Variants in FGFRL1 observed in about 807,000 individuals in gnomAD.
FGFRL1 encodes fibroblast growth factor receptor like 1.
FGFRL1 carries 24 observed loss-of-function variants against 36.8 expected under a neutral mutation model. That is an observed-to-expected ratio of 0.65 (90% CI 0.47 to 0.92). The LOEUF (loss-of-function observed/expected upper bound fraction) is 0.92. Ranked by LOEUF, FGFRL1 falls within the 40% of genes least tolerant of loss-of-function variation. The probability of loss-of-function intolerance (pLI) is 0.00; values close to 1 mark genes in which losing one functional copy is unlikely to be tolerated. For synonymous variants in FGFRL1, 422 were observed against 344.1 expected, an observed-to-expected ratio of 1.23 and a Z score of -2.50; for missense variants, 785 against 753.4, an observed-to-expected ratio of 1.04 and a Z score of -0.49.
At position 1,022,206 on chromosome 4, in the gene FGFRL1, C is replaced by T; in HGVS notation, c.83C>T (p.Pro28Leu). 1 of 1,529,500 alleles carries T rather than the reference C, an allele frequency of 6.5e-7. No homozygotes were observed. The highest frequency in any genetic ancestry group is 8.8e-7 in the Non-Finnish European group (1 of 1,135,902). The allele number at this position is 1,529,500 out of a possible 1,614,324, so 94.7% of individuals were successfully genotyped here. Residue 28 changes from proline to leucine, a missense_variant, in exon 3 of 7, where the codon CCC (proline) becomes CTC (leucine). By Grantham distance (98) the Pro-to-Leu change is moderately conservative. Coordinates refer to ENST00000510644, the MANE Select transcript of FGFRL1 (RefSeq NM_001004356.3). ...AFPPAAAARG[P>L]PKMADKVVPR... ...TGTTCCTCGGTCCCACCCGCAGGCC[C>T]CCCAAAGATGGCGGACAAGGTGGTC...
chr4:1,012,939 G>A (rs916508523), intron 2 of FGFRL1, among the ~76,000 whole-genome samples: 1 of 152,256 alleles, frequency 6.6e-6, no homozygotes, highest in African/African-American at 2.4e-5. Context: ...ACCCGATAAG[G>A]ACTCTGGGAA....
At position 1,023,863 on chromosome 4, in the gene FGFRL1, C is replaced by G; in HGVS notation, c.480C>G (p.Ile160Met). 5 of 1,576,522 alleles carry G rather than the reference C, an allele frequency of 3.2e-6. No individual in the cohort carries two copies. Among genetic ancestry groups the G allele is most frequent in the Non-Finnish European group, 4.3e-6 (5 of 1,163,618 alleles). ...TQPSKMRRRV[I>M]ARPVGSSVRL... ...CCTCCAAGATGAGGCGCCGGGTGAT[C>G]GCACGGCCCGTGGGTAGCTCCGTGC... The change falls in exon 5 of 7, where the codon ATC (isoleucine) becomes ATG (methionine). Residue 160 changes from isoleucine (I) to methionine (M), a missense_variant. By Grantham distance (10) the Ile-to-Met change is conservative. Transcript: ENST00000510644. This position sits in a 1 kb window ranked among gnomAD's most constrained non-coding sequence, Gnocchi z 6.0.
intron 1 of FGFRL1, 139 bp from the exon 2 acceptor site, chr4:1,012,331 G>C: frequency 1.1e-6 from 1 of 889,264 alleles, no homozygotes. Context: ...TCTCCCCGCT[G>C]CGGCTTCCTC....
At chr4:1,017,271 T>C (rs1715938242) in intron 2 of FGFRL1, among the ~76,000 whole-genome samples, 1 of 147,370 alleles carries the variant, frequency 6.8e-6, no homozygotes, top group Admixed American at 6.7e-5. Context: ...CTCACTCCAC[T>C]CTGGCCTCGT....
chr4:1,014,674 C>G (rs756843294), intron 2 of FGFRL1, among the ~76,000 whole-genome samples: 1 of 152,236 alleles, frequency 6.6e-6, no homozygotes, highest in Non-Finnish European at 1.5e-5. Context: ...GTGCTGACCT[C>G]GGCCCCCAGC....
intron 2 of FGFRL1, among the ~76,000 whole-genome samples, chr4:1,013,114 G>A (rs927813101): frequency 2.6e-5 from 4 of 152,232 alleles, no homozygotes; most frequent in African/African-American, 9.6e-5. Flanking sequence ...GCGGTTGTGT[G>A]GACAAGTCCC....
At chr4:1,016,685 C>T (rs553236620) in intron 2 of FGFRL1, among the ~76,000 whole-genome samples, 33 of 152,132 alleles carry the variant, frequency 2.2e-4, no homozygotes, top group Non-Finnish European at 3.7e-4. Flanking sequence ...GTCTGCTCCC[C>T]GAGGGCCGCC....
intron 2 of FGFRL1, among the ~76,000 whole-genome samples, chr4:1,014,113 G>T (rs1715756187): frequency 1.3e-5 from 2 of 152,224 alleles, no homozygotes; most frequent in African/African-American, 4.8e-5. Context: ...ACCTTCGTTA[G>T]GCCAAGGACC....
chr4:1,017,754 T>G (rs960135028), intron 2 of FGFRL1, among the ~76,000 whole-genome samples: 1 of 152,188 alleles, frequency 6.6e-6, no homozygotes, highest in African/African-American at 2.4e-5. Context: ...TGCTGAGGGC[T>G]GTGTTCTGGG....
At chr4:1,015,029 C>G (rs989533646) in intron 2 of FGFRL1, among the ~76,000 whole-genome samples, 1 of 152,180 alleles carries the variant, frequency 6.6e-6, no homozygotes, top group East Asian at 1.9e-4. Flanking sequence ...GTTGGTTTTT[C>G]CCCAGTCGTG....
intron 5 of FGFRL1, 88 bp downstream of exon 5, chr4:1,024,189 G>C: frequency 8.4e-7 from 1 of 1,184,304 alleles, no homozygotes; most frequent in East Asian, 3.1e-5. Flanking sequence ...GGGGGCGCTG[G>C]TGGGCGGGGG....
Position 1,025,094 on chromosome 4 carries a change from G to A in FGFRL1, c.1262G>A (p.Gly421Glu). The change falls in exon 7 of 7, where the codon GGG (glycine) becomes GAG (glutamate). Residue 421 changes from glycine (G) to glutamate (E), a missense_variant. Physicochemically the swap from Gly to Glu is moderately conservative, Grantham distance 98. Transcript: ENST00000510644. ...APPLPGHRPP[G>E]TARDRSGDKD... ...CCCCTGCCTGGGCACCGCCCGCCGG[G>A]GACGGCCCGCGACCGCAGCGGAGAC... 1 of 1,610,472 alleles carries A rather than the reference G, an allele frequency of 6.2e-7. No homozygotes were observed. The highest frequency in any genetic ancestry group is 8.5e-7 in the Non-Finnish European group (1 of 1,178,812).
At position 1,012,453 on chromosome 4, in the gene FGFRL1, G is replaced by A. The variant is rs376729588; in HGVS notation, c.-16-17G>A. ...CCCAGTTCCACGTGTTAGTGACGGCGCCCCCAATGTCCCCAGGTCCGGACA... is the reference window on the plus strand; with the variant it reads ...CCCAGTTCCACGTGTTAGTGACGGCACCCCCAATGTCCCCAGGTCCGGACA... On this transcript the variant is annotated splice_polypyrimidine_tract_variant and intron_variant, in intron 1 of 6. Transcript: ENST00000510644. 4.1e-5 allele frequency: 65 copies of A among 1,574,630 alleles called. No homozygotes were observed. Among genetic ancestry groups the A allele is most frequent in the Non-Finnish European group, 5.5e-5 (64 of 1,164,824 alleles).
chr4:1,018,650 G>T (rs1316029294), intron 2 of FGFRL1, among the ~76,000 whole-genome samples: 3 of 152,172 alleles, frequency 2.0e-5, no homozygotes, highest in African/African-American at 7.2e-5. Context: ...GGGGTTCCCT[G>T]TGTTTCTTCC....
At chr4:1,024,810 C>T (rs1305367296) in intron 6 of FGFRL1, 95 bp from the exon 7 acceptor site, 8 of 1,413,686 alleles carry the variant, frequency 5.7e-6, no homozygotes, top group South Asian at 1.4e-5. Context: ...AGCCCAGGGG[C>T]ACCGTCTCCA....
rs376400181 is a variant in FGFRL1 at position 1,025,150 on chromosome 4, G to T, written c.1318G>T (p.Ala440Ser). 2.5e-6 allele frequency: 4 copies of T among 1,610,548 alleles called. No homozygotes were observed. In the East Asian group the frequency reaches 6.7e-5, roughly 27 times the overall value. ...KDLPSLAALS[A>S]GPGVGLCEEH... Reference sequence around the variant, plus strand: ...CCTTCCCTCGTTGGCCGCCCTCAGCGCTGGCCCTGGTGTGGGGCTGTGTGA... The same window carrying T: ...CCTTCCCTCGTTGGCCGCCCTCAGCTCTGGCCCTGGTGTGGGGCTGTGTGA... The change falls in exon 7 of 7, where the codon GCT becomes TCT. Residue 440 changes from alanine to serine, a missense_variant. Transcript: ENST00000510644.
rs1716465525 is a variant in FGFRL1 at position 1,025,419 on chromosome 4, T to C, written c.*72T>C. 8 of 1,486,814 alleles carry C rather than the reference T, an allele frequency of 5.4e-6. No individual in the cohort carries two copies. The highest frequency in any genetic ancestry group is 1.4e-5 in the African/African-American group (1 of 71,848). The allele number at this position is 1,486,814 out of a possible 1,614,324, so 92.1% of individuals were successfully genotyped here. ...AGACTGGGAGGATGGAGGACGGAGC[T>C]GCAGACGAAGGCAGGGGACCCATGG... is the stretch of plus-strand genomic sequence containing the variant. On this transcript the variant is annotated 3_prime_UTR_variant, in exon 7 of 7. Transcript: ENST00000510644.
In FGFRL1 at chr4:1,025,437, A is replaced by T; in HGVS notation, c.*90A>T. 6.9e-7 allele frequency: 1 copy of T among 1,459,032 alleles called. No individual in the cohort carries two copies. The highest frequency in any genetic ancestry group is 9.2e-7 in the Non-Finnish European group (1 of 1,089,900). The allele number at this position is 1,459,032 out of a possible 1,614,324, so 90.4% of individuals were successfully genotyped here. On this transcript the variant is annotated 3_prime_UTR_variant, in exon 7 of 7. Transcript: ENST00000510644. ...ACGGAGCTGCAGACGAAGGCAGGGGACCCATGGCGAGGAGGAATGGCCAGC... is the reference window on the plus strand; with the variant it reads ...ACGGAGCTGCAGACGAAGGCAGGGGTCCCATGGCGAGGAGGAATGGCCAGC...
rs529265854 is a variant in FGFRL1, at chr4:1,024,523, G to A, written c.931G>A (p.Val311Met). The part of the protein sequence containing the change: ...QKFVVLPTGD[V>M]WSRPDGSYLN... The stretch of plus-strand genomic sequence containing the variant: ...GTTTGTGGTGCTGCCCACGGGTGAC[G>A]TGTGGTCGCGGCCCGACGGCTCCTA... The change falls in exon 6 of 7, where the codon GTG becomes ATG. Residue 311 changes from valine (V) to methionine (M), a missense_variant. Transcript: ENST00000510644. The A allele has an allele frequency of 1.4e-5, 23 of 1,612,408 alleles. No individual in the cohort carries two copies. In the East Asian group the frequency reaches 3.3e-4, roughly 23 times the overall value.
Sources: gnomAD v4.1 joint callset for allele counts (sites outside exome capture counted in the v4.1 genomes callset) on GRCh38, gnomAD v4.1.1 for gene constraint, Gnocchi (gnomAD v3.1) non-coding constraint, MANE v1.5 for transcripts, NCBI Gene and HGNC (gene_info 2026-07-23, HGNC 2026-07-21) for gene names.